CDK13: variants seen among roughly 807,000 people sequenced by gnomAD.
CDK13 encodes cyclin-dependent kinase 13.
A neutral mutation model predicts 137.6 loss-of-function variants in CDK13; 40 were observed. The observed-to-expected ratio is 0.29, with a 90% CI of 0.23 to 0.38. The LOEUF is 0.38. Ranked by LOEUF, CDK13 falls within the 10% of genes least tolerant of loss-of-function variation. The pLI is 1.00. For synonymous variants in CDK13, 869 were observed against 760.1 expected (o/e 1.14, Z -2.36); for missense variants, 1,704 against 1,951.8 (o/e 0.87, Z 2.39).
At position 39,950,330 on chromosome 7, in the gene CDK13, T is replaced by C. The variant is rs1787100704; in HGVS notation, c.-312T>C. The C allele has an allele frequency of 1.8e-6, 2 of 1,142,406 alleles. No individual in the cohort carries two copies. The highest frequency in any genetic ancestry group is 2.1e-6 in the Non-Finnish European group (2 of 931,026). The allele number at this position is 1,142,406 out of a possible 1,614,324, so 70.8% of individuals were successfully genotyped here. A position where few individuals can be genotyped will look rare whatever the true frequency, so the allele number is the denominator to read the frequency against. On this transcript the variant is annotated 5_prime_UTR_variant, in exon 1 of 14. Coordinates refer to ENST00000181839, the MANE Select transcript of CDK13 (RefSeq NM_003718.5). ...CCACCCCCGGGGGCACTTGGAGGAC[T>C]CGGGACTCCCCCGCAGGTCAGCGCC...
At chr7:39,992,109 ACACACACACAAG>A (rs1562716745) in intron 2 of CDK13, among the ~76,000 whole-genome samples, 20 of 122,076 alleles carry the variant, frequency 1.6e-4, no homozygotes, top group African/African-American at 1.2e-3. Flanking sequence ...ACACACGCAC[ACACACACACAAG>A]CACACACGCT....
chr7:40,023,765 G>A (rs1444191719), intron 5 of CDK13, among the ~76,000 whole-genome samples: 1 of 152,138 alleles, frequency 6.6e-6, no homozygotes, highest in Non-Finnish European at 1.5e-5. Context: ...GATTACAGGC[G>A]TGAGCCACCA....
rs1786945205 is a variant in CDK13, at chr7:40,092,422, T to A, written c.3236-363T>A. ...GGTTGTTGTAAGGAATAAAGGATAT[T>A]AAATGCTTAGAAGGTATGTGACACT... On this transcript the variant is annotated intron_variant, in intron 12 of 13. Coordinates refer to ENST00000181839, the MANE Select transcript of CDK13 (RefSeq NM_003718.5). 2.6e-5 allele frequency: 5 copies of A among 192,616 alleles called. No individual in the cohort carries two copies. The South Asian group carries it at 5.2e-4, about 20-fold the overall frequency. The allele number at this position is 192,616 out of a possible 1,614,324, so 11.9% of individuals were successfully genotyped here. A position where few individuals can be genotyped will look rare whatever the true frequency, so the allele number is the denominator to read the frequency against.
chr7:40,051,781 A>G (rs1785894501), intron 7 of CDK13, among the ~76,000 whole-genome samples: 1 of 152,164 alleles, frequency 6.6e-6, no homozygotes, highest in South Asian at 2.1e-4. Context: ...TCTGCTCTTC[A>G]TGTGCCTATT....
At chr7:40,035,399 G>A (rs1002922462) in intron 5 of CDK13, among the ~76,000 whole-genome samples, 5 of 152,034 alleles carry the variant, frequency 3.3e-5, no homozygotes, top group Admixed American at 6.6e-5. Context: ...GTGAGTGGAA[G>A]GTGAGCGAGT....
At chr7:40,084,737 C>T (rs1250001311) in intron 11 of CDK13, among the ~76,000 whole-genome samples, 1 of 152,192 alleles carries the variant, frequency 6.6e-6, no homozygotes, top group Non-Finnish European at 1.5e-5. Flanking sequence ...TGAATTAATA[C>T]ATTGCCTACT....
At chr7:39,966,674 AG>A (rs1783879391) in intron 1 of CDK13, among the ~76,000 whole-genome samples, 1 of 151,984 alleles carries the variant, frequency 6.6e-6, no homozygotes, top group Non-Finnish European at 1.5e-5. Flanking sequence ...GTTCCTTTGG[AG>A]GAGGAGAGGC....
At chr7:40,054,306 T>C (rs1785961852) in intron 7 of CDK13, among the ~76,000 whole-genome samples, 1 of 152,230 alleles carries the variant, frequency 6.6e-6, no homozygotes, top group South Asian at 2.1e-4. Flanking sequence ...GATTTAATTA[T>C]ATTTTAAGCA....
chr7:40,051,181 A>T (rs1036098290), intron 7 of CDK13, among the ~76,000 whole-genome samples: 1 of 152,224 alleles, frequency 6.6e-6, no homozygotes, highest in Middle Eastern at 3.4e-3. Flanking sequence ...TTAAATGTAT[A>T]AGAGGAAAAT....
Position 39,964,334 on chromosome 7 carries a change from T to C in CDK13, c.1211+12482T>C, listed in dbSNP as rs141144351. Among the ~76,000 whole-genome samples the C allele has an allele frequency of 6.4e-3, 971 of 152,330 alleles. 41 individuals are homozygous for C. Among genetic ancestry groups the C allele is most frequent in the Admixed American group, 0.055 (837 of 15,294 alleles). ...TCTATTCAGATATTCAGCTTCTTCC[T>C]GGTTTAGTCTTGGGAGGGTGTATGT... On this transcript the variant is annotated intron_variant, in intron 1 of 13. Coordinates refer to ENST00000181839, the MANE Select transcript of CDK13 (RefSeq NM_003718.5).
At chr7:40,019,423 G>A (rs992127859) in intron 5 of CDK13, among the ~76,000 whole-genome samples, 1 of 152,094 alleles carries the variant, frequency 6.6e-6, no homozygotes, top group Non-Finnish European at 1.5e-5. Context: ...AAGGAATTAG[G>A]TCACACAATT....
chr7:39,956,653 T>G (rs942773516), intron 1 of CDK13, among the ~76,000 whole-genome samples: 1 of 152,186 alleles, frequency 6.6e-6, no homozygotes. Context: ...GATGATGTGA[T>G]CATGGCTCAC....
At chr7:39,976,832 G>A (rs2116216213) in intron 1 of CDK13, among the ~76,000 whole-genome samples, 1 of 152,192 alleles carries the variant, frequency 6.6e-6, no homozygotes, top group East Asian at 1.9e-4. Context: ...GAGAAACCAT[G>A]GAAAGTGAAA....
intron 11 of CDK13, among the ~76,000 whole-genome samples, chr7:40,087,867 C>T (rs555787503): frequency 1.3e-5 from 2 of 152,020 alleles, no homozygotes; most frequent in Admixed American, 1.3e-4. Context: ...AATATATATT[C>T]TTCATTCATA....
chr7:39,957,621 C>T (rs1787458481), intron 1 of CDK13, among the ~76,000 whole-genome samples: 1 of 152,304 alleles, frequency 6.6e-6, no homozygotes, highest in South Asian at 2.1e-4. Context: ...GAACCTCCTT[C>T]TAGCTTCTAC....
intron 11 of CDK13, among the ~76,000 whole-genome samples, chr7:40,085,420 G>C (rs1786767573): frequency 6.6e-6 from 1 of 151,932 alleles, no homozygotes; most frequent in African/African-American, 2.4e-5. Context: ...TTGTGGGAGG[G>C]AACAAAAGCC....
chr7:40,043,221 C>G (rs1367363794), intron 5 of CDK13, among the ~76,000 whole-genome samples: 1 of 152,136 alleles, frequency 6.6e-6, no homozygotes, highest in Non-Finnish European at 1.5e-5. Flanking sequence ...ATACATTTGT[C>G]AAAACACTAT....
At chr7:39,963,831 CAT>C (rs1783806893) in intron 1 of CDK13, among the ~76,000 whole-genome samples, 1 of 152,092 alleles carries the variant, frequency 6.6e-6, no homozygotes, top group African/African-American at 2.4e-5. Flanking sequence ...TAGCATGAAG[CAT>C]TGTTGAATTT....
chr7:40,004,027 C>G (rs578203106), intron 5 of CDK13, among the ~76,000 whole-genome samples: 1 of 152,258 alleles, frequency 6.6e-6, no homozygotes, highest in East Asian at 1.9e-4. Context: ...GGAACCATAC[C>G]TGTTTTCTTC....
Sources: allele counts gnomAD v4.1 joint callset (sites outside exome capture counted in the v4.1 genomes callset), GRCh38; gene constraint gnomAD v4.1.1; transcripts MANE v1.5; gene names NCBI Gene and HGNC (gene_info 2026-07-23, HGNC 2026-07-21).